Variants in JARID2 observed in about 807,000 individuals in gnomAD.
The protein encoded by JARID2 is protein Jumonji.
In JARID2, 21 loss-of-function variants were observed where a neutral mutation model predicts 125.6. The ratio of observed to expected loss-of-function variants is 0.17; its 90% confidence interval spans 0.12 to 0.24. The LOEUF (loss-of-function observed/expected upper bound fraction) is 0.24. Among genes scored for constraint, JARID2 ranks in the 10% least tolerant of loss-of-function variants. The pLI is 1.00. For synonymous variants in JARID2, 736 were observed against 661.6 expected (o/e 1.11, Z -1.73); for missense variants, 1,303 against 1,639.6 (o/e 0.79, Z 3.55).
intron 2 of JARID2, among the ~76,000 whole-genome samples, chr6:15,396,688 A>C (rs1765232559): frequency 6.6e-6 from 1 of 152,200 alleles, no homozygotes; most frequent in Non-Finnish European, 1.5e-5. Flanking sequence ...ATGGTGTGCA[A>C]TTTAAAAGTT....
At chr6:15,455,035 G>C (rs1205423200) in intron 4 of JARID2, among the ~76,000 whole-genome samples, 2 of 152,096 alleles carry the variant, frequency 1.3e-5, no homozygotes, top group African/African-American at 4.8e-5. Flanking sequence ...GCAGCAATGT[G>C]ATTCAGGTAT....
intron 7 of JARID2, among the ~76,000 whole-genome samples, chr6:15,498,874 T>C (rs1047915982): frequency 6.6e-6 from 1 of 152,222 alleles, no homozygotes; most frequent in Non-Finnish European, 1.5e-5. Context: ...ACTGAGTCAG[T>C]GATGGAACCG....
intron 2 of JARID2, among the ~76,000 whole-genome samples, chr6:15,383,143 G>A (rs1332227848): frequency 6.6e-6 from 1 of 151,986 alleles, no homozygotes. Flanking sequence ...GAAGGCAAAT[G>A]GATGGAAATT....
At chr6:15,316,733 C>G (rs1479527097) in intron 1 of JARID2, among the ~76,000 whole-genome samples, 1 of 152,132 alleles carries the variant, frequency 6.6e-6, no homozygotes, top group Non-Finnish European at 1.5e-5. Flanking sequence ...GAACCCCTGA[C>G]CTCAGATGAT....
At chr6:15,317,282 C>T (rs1762210761) in intron 1 of JARID2, among the ~76,000 whole-genome samples, 2 of 152,158 alleles carry the variant, frequency 1.3e-5, no homozygotes, top group Admixed American at 6.5e-5. Flanking sequence ...ATTAACATGT[C>T]AGTTTTTTCT....
intron 4 of JARID2, among the ~76,000 whole-genome samples, chr6:15,463,437 T>C (rs1038501582): frequency 1.6e-4 from 6 of 37,242 alleles, no homozygotes; most frequent in African/African-American, 6.5e-4. Flanking sequence ...TTTTTTTTTT[T>C]TTTTTTTTCC....
At chr6:15,481,697 T>C (rs1165310716) in intron 5 of JARID2, among the ~76,000 whole-genome samples, 1 of 152,238 alleles carries the variant, frequency 6.6e-6, no homozygotes, top group Non-Finnish European at 1.5e-5. Flanking sequence ...CATTTGGGTA[T>C]ATCGCTGCTC....
chr6:15,483,932 T>C (rs1332386598), intron 5 of JARID2, among the ~76,000 whole-genome samples: 1 of 152,252 alleles, frequency 6.6e-6, no homozygotes, highest in African/African-American at 2.4e-5. Context: ...GATATGACTT[T>C]ACATCCTAGT....
At chr6:15,344,096 A>G (rs1265548354) in intron 1 of JARID2, among the ~76,000 whole-genome samples, 1 of 132,234 alleles carries the variant, frequency 7.6e-6, no homozygotes, top group Non-Finnish European at 1.6e-5. Context: ...ACTTGGGAGT[A>G]TGTAGTGATT....
chr6:15,385,786 TGA>T (rs1764762647), intron 2 of JARID2, among the ~76,000 whole-genome samples: 3 of 152,266 alleles, frequency 2.0e-5, no homozygotes, highest in Admixed American at 6.5e-5. Context: ...TTCAGGGGAC[TGA>T]GAGTCTGCCA....
At chr6:15,326,127 T>C (rs1363698150) in intron 1 of JARID2, among the ~76,000 whole-genome samples, 1 of 152,198 alleles carries the variant, frequency 6.6e-6, no homozygotes, top group African/African-American at 2.4e-5. Flanking sequence ...GCAGTACACT[T>C]CTATGCAGCC....
chr6:15,520,854 C>A lies in JARID2; in HGVS notation c.*603C>A, dbSNP rs547227049. 6 of 455,420 alleles carry A rather than the reference C, an allele frequency of 1.3e-5. No individual in the cohort carries two copies. Among genetic ancestry groups the A allele is most frequent in the Non-Finnish European group, 2.2e-5 (5 of 226,650 alleles). 28.2% of individuals were successfully genotyped at this position (455,420 alleles called of 1,614,324 possible). Reference sequence around the variant, plus strand: ...CGTTGTTTCCTAACCATAGGTGGAACGAGGAGACGGGAGCGAGTGGGCTCT... The same window carrying A: ...CGTTGTTTCCTAACCATAGGTGGAAAGAGGAGACGGGAGCGAGTGGGCTCT... On this transcript the variant is annotated 3_prime_UTR_variant, in exon 18 of 18. Coordinates refer to ENST00000341776, the MANE Select transcript of JARID2 (RefSeq NM_004973.4).
chr6:15,246,214 G>A lies in JARID2; in HGVS notation c.-326G>A, dbSNP rs1299290754. 1.3e-5 allele frequency: 6 copies of A among 470,318 alleles called. No homozygotes were observed. The highest frequency in any genetic ancestry group is 1.9e-5 in the Non-Finnish European group (5 of 269,026). 29.1% of individuals were successfully genotyped at this position (470,318 alleles called of 1,614,324 possible). The stretch of plus-strand genomic sequence containing the variant: ...CGTTTCGCTGATGTAGTTTTTGGAG[G>A]AAAAAGGGGGGGGAGTGAAGGGCGT... On this transcript the variant is annotated 5_prime_UTR_variant, in exon 1 of 18. Coordinates refer to ENST00000341776, the MANE Select transcript of JARID2 (RefSeq NM_004973.4).
At chr6:15,308,027 C>G (rs932281321) in intron 1 of JARID2, among the ~76,000 whole-genome samples, 2 of 152,198 alleles carry the variant, frequency 1.3e-5, no homozygotes, top group Non-Finnish European at 2.9e-5. Context: ...CCATTCTAAT[C>G]TTGATGCACA....
chr6:15,292,764 G>C (rs1288658446), intron 1 of JARID2, among the ~76,000 whole-genome samples: 1 of 152,168 alleles, frequency 6.6e-6, no homozygotes, highest in East Asian at 1.9e-4. Flanking sequence ...GCTTCCCGGG[G>C]TTAAGTGATC....
At chr6:15,477,222 T>C (rs2127697349) in intron 5 of JARID2, among the ~76,000 whole-genome samples, 1 of 152,308 alleles carries the variant, frequency 6.6e-6, no homozygotes. Context: ...TGGACGAGTT[T>C]ATCACATTTC....
intron 6 of JARID2, among the ~76,000 whole-genome samples, chr6:15,490,256 G>T (rs1770086454): frequency 7.8e-6 from 1 of 128,776 alleles, no homozygotes. Flanking sequence ...AATATGATAT[G>T]TGGATTTTTT....
chr6:15,332,966 G>A (rs750227946), intron 1 of JARID2, among the ~76,000 whole-genome samples: 2 of 119,742 alleles, frequency 1.7e-5, no homozygotes, highest in Non-Finnish European at 1.6e-5. Context: ...TTTGGAGACG[G>A]AGTCGCCCAG....
intron 3 of JARID2, among the ~76,000 whole-genome samples, chr6:15,429,626 G>C (rs1291242576): frequency 2.6e-5 from 4 of 152,166 alleles, no homozygotes; most frequent in East Asian, 3.8e-4. Context: ...CTCCTATTTA[G>C]AATTGTTCTG....
Sources: gnomAD v4.1 joint callset for allele counts (sites outside exome capture counted in the v4.1 genomes callset) on GRCh38, gnomAD v4.1.1 for gene constraint, MANE v1.5 for transcripts, NCBI Gene and HGNC (gene_info 2026-07-23, HGNC 2026-07-21) for gene names.